The following LRBA variants were observed in gnomAD, a reference collection of about 807,000 sequenced individuals.
LRBA encodes the protein lipopolysaccharide-responsive and beige-like anchor protein.
LRBA carries 176 observed loss-of-function variants against 330.0 expected under a neutral mutation model. The ratio of observed to expected loss-of-function variants is 0.53; its 90% confidence interval spans 0.47 to 0.60. The LOEUF (loss-of-function observed/expected upper bound fraction) is 0.60. Ranked by LOEUF, LRBA falls within the 20% of genes least tolerant of loss-of-function variation. The probability of loss-of-function intolerance (pLI) is 0.00; values close to 1 mark genes in which losing one functional copy is unlikely to be tolerated. For missense variants in LRBA, 3,259 were observed against 3,444.8 expected (o/e 0.95, Z 1.35); for synonymous variants, 1,230 against 1,193.0 (o/e 1.03, Z -0.64).
In LRBA at chr4:150,265,514, C is replaced by G. The variant is rs1745191276; in HGVS notation, c.*208G>C. On this transcript the variant is annotated 3_prime_UTR_variant, in exon 57 of 57. Transcript: ENST00000651943. Reference sequence around the variant, plus strand: ...GACTAAAAATATAGATTTTTTAAAACTACAGAACCCAGCAGCCAGTTTTCT... The same window carrying G: ...GACTAAAAATATAGATTTTTTAAAAGTACAGAACCCAGCAGCCAGTTTTCT... 1 of 470,838 alleles carries G rather than the reference C, an allele frequency of 2.1e-6. No individual in the cohort carries two copies. Among genetic ancestry groups the G allele is most frequent in the Non-Finnish European group, 3.9e-6 (1 of 257,998 alleles). 29.2% of individuals were successfully genotyped at this position (470,838 alleles called of 1,614,324 possible). A position where few individuals can be genotyped will look rare whatever the true frequency, so the allele number is the denominator to read the frequency against.
intron 2 of LRBA, among the ~76,000 whole-genome samples, chr4:150,997,695 T>C (rs1437776018): frequency 2.0e-5 from 3 of 152,032 alleles, no homozygotes; most frequent in Non-Finnish European, 2.9e-5. Context: ...CATTCTACAA[T>C]TCTTTTTTTT....
intron 47 of LRBA, among the ~76,000 whole-genome samples, chr4:150,358,369 C>G (rs1339004571): frequency 3.3e-5 from 5 of 152,052 alleles, no homozygotes; most frequent in Admixed American, 3.3e-4. Flanking sequence ...GAAAGGCAGG[C>G]TCACCATTAC....
rs145161711 is a variant in LRBA at position 150,617,279 on chromosome 4, C to T, written c.5922-18148G>A. Among the ~76,000 whole-genome samples, 631 of 152,306 alleles carry T rather than the reference C, an allele frequency of 4.1e-3. 5 individuals are homozygous for T. The highest frequency in any genetic ancestry group is 0.015 in the African/African-American group (610 of 41,556). ...ATGATTTAACGATAAAACACTTAATCTAGACATTTAAAATGAATAATCTGG... is the reference window on the plus strand; with the variant it reads ...ATGATTTAACGATAAAACACTTAATTTAGACATTTAAAATGAATAATCTGG... On this transcript the variant is annotated intron_variant, in intron 37 of 56. Transcript: ENST00000651943.
At chr4:150,652,031 A>C (rs929265940) in intron 37 of LRBA, among the ~76,000 whole-genome samples, 3 of 152,180 alleles carry the variant, frequency 2.0e-5, no homozygotes, top group Middle Eastern at 3.4e-3. Flanking sequence ...TTTTGTAGAG[A>C]TGGGGTTTTG....
chr4:150,464,471 T>C (rs1755183915), intron 44 of LRBA, among the ~76,000 whole-genome samples: 1 of 152,108 alleles, frequency 6.6e-6, no homozygotes, highest in South Asian at 2.1e-4. Flanking sequence ...CCTCATTTAT[T>C]AGACTACAGA....
chr4:150,967,286 T>G (rs1329610062), intron 2 of LRBA, among the ~76,000 whole-genome samples: 1 of 152,184 alleles, frequency 6.6e-6, no homozygotes, highest in Non-Finnish European at 1.5e-5. Context: ...GAATAAAATT[T>G]TAATCACTTG....
chr4:150,401,216 G>A (rs541978764), intron 47 of LRBA, among the ~76,000 whole-genome samples: 18 of 152,344 alleles, frequency 1.2e-4, no homozygotes, highest in African/African-American at 3.4e-4. Context: ...CGGGAGAATG[G>A]CCCTGCTGAC....
At chr4:150,498,583 C>T (rs533318768) in intron 40 of LRBA, among the ~76,000 whole-genome samples, 57 of 152,152 alleles carry the variant, frequency 3.7e-4, no homozygotes, top group African/African-American at 1.4e-3. Context: ...TATTTTATAT[C>T]TTTTTCATAG....
chr4:150,598,033 C>A (rs1773698469), intron 38 of LRBA, among the ~76,000 whole-genome samples: 1 of 152,038 alleles, frequency 6.6e-6, no homozygotes, highest in South Asian at 2.1e-4. Context: ...CTGACTGAGG[C>A]CAAACCTAAG....
Position 150,893,021 on chromosome 4 carries a change from C to T in LRBA, c.2165+31G>A, listed in dbSNP as rs199515243. ...AGCTTTCAAATATTTCCAAACTAATCCCTTATATGAAATAGATTAAAAACT... is the reference window on the plus strand; with the variant it reads ...AGCTTTCAAATATTTCCAAACTAATTCCTTATATGAAATAGATTAAAAACT... On this transcript the variant is annotated intron_variant, in intron 17 of 56. Transcript: ENST00000651943. The T allele has an allele frequency of 1.2e-4, 158 of 1,306,050 alleles. No homozygotes were observed. The African/African-American group carries it at 2.0e-3, about 17-fold the overall frequency. 80.9% of individuals were successfully genotyped at this position (1,306,050 alleles called of 1,614,324 possible).
intron 30 of LRBA, among the ~76,000 whole-genome samples, chr4:150,825,094 TCAG>T (rs1746030852): frequency 1.3e-5 from 2 of 151,600 alleles, no homozygotes; most frequent in Admixed American, 1.3e-4. Flanking sequence ...ATGAAAAATC[TCAG>T]AAGACACAAA....
intron 36 of LRBA, among the ~76,000 whole-genome samples, chr4:150,728,306 T>C (rs938099026): frequency 6.6e-6 from 1 of 152,022 alleles, no homozygotes; most frequent in African/African-American, 2.4e-5. Flanking sequence ...CTACTCTAAG[T>C]ATTCCAAAAA....
At chr4:150,452,738 G>C (rs1378722080) in intron 44 of LRBA, among the ~76,000 whole-genome samples, 1 of 151,882 alleles carries the variant, frequency 6.6e-6, no homozygotes, top group African/African-American at 2.4e-5. Context: ...TAACACAAAA[G>C]ACAAGGCACT....
intron 35 of LRBA, among the ~76,000 whole-genome samples, chr4:150,742,146 T>A (rs201614693): frequency 0.28 from 3,197 of 11,310 alleles, 114 homozygotes; most frequent in Non-Finnish European, 0.41. Flanking sequence ...TTATTATTAT[T>A]ATTATTTTTT....
At chr4:150,671,000 A>ATGTGTGTGTGTG (rs57937053) in intron 37 of LRBA, among the ~76,000 whole-genome samples, 1,713 of 106,590 alleles carry the variant, frequency 0.016, 11 homozygotes, top group African/African-American at 0.026. Flanking sequence ...AACATAGCTG[A>ATGTGTGTGTGTG]TGTGTGTGTG....
intron 14 of LRBA, 81 bp downstream of exon 14, chr4:150,899,968 A>G: frequency 9.6e-7 from 1 of 1,041,522 alleles, no homozygotes. Flanking sequence ...CAAATATATG[A>G]TAGTACTGGT....
At chr4:150,858,306 A>G (rs1751465156) in intron 22 of LRBA, among the ~76,000 whole-genome samples, 1 of 152,050 alleles carries the variant, frequency 6.6e-6, no homozygotes, top group South Asian at 2.1e-4. Flanking sequence ...GTAGTGTGTT[A>G]TATATAATGG....
chr4:150,701,071 TC>T (rs1314159156), intron 36 of LRBA, among the ~76,000 whole-genome samples: 2 of 152,196 alleles, frequency 1.3e-5, no homozygotes, highest in African/African-American at 4.8e-5. Context: ...GTTTCAAATT[TC>T]ATTTTTTCAA....
chr4:150,751,878 G>GA, intron 35 of LRBA, among the ~76,000 whole-genome samples: 1 of 152,188 alleles, frequency 6.6e-6, no homozygotes, highest in Non-Finnish European at 1.5e-5. Context: ...GATTATACTA[G>GA]TCTAGACCTT....
Sources: gnomAD v4.1 joint callset for allele counts (sites outside exome capture counted in the v4.1 genomes callset) on GRCh38, gnomAD v4.1.1 for gene constraint, MANE v1.5 for transcripts, NCBI Gene and HGNC (gene_info 2026-07-23, HGNC 2026-07-21) for gene names.